The following PLEK variants were observed in gnomAD, a reference collection of about 807,000 sequenced individuals.
PLEK encodes platelet 47 kDa protein.
In PLEK, 25 loss-of-function variants were observed where a neutral mutation model predicts 43.9. That is an observed-to-expected ratio of 0.57 (90% CI 0.41 to 0.79). The LOEUF is 0.79. PLEK is among the 30% of genes least tolerant of loss of function. The probability of loss-of-function intolerance (pLI) is 0.00; values close to 1 mark genes in which losing one functional copy is unlikely to be tolerated. For missense variants in PLEK, 396 were observed against 413.3 expected, an observed-to-expected ratio of 0.96 and a Z score of 0.36; for synonymous variants, 152 against 144.4, an observed-to-expected ratio of 1.05 and a Z score of -0.38.
In PLEK at chr2:68,393,263, A is replaced by G; in HGVS notation, c.846+18A>G. The G allele has an allele frequency of 6.7e-7, 1 of 1,497,908 alleles. No individual in the cohort carries two copies. The highest frequency in any genetic ancestry group is 9.3e-7 in the Non-Finnish European group (1 of 1,074,720). The allele number at this position is 1,497,908 out of a possible 1,614,324, so 92.8% of individuals were successfully genotyped here. ...CTGCTGGGGTAAGGTCCTGTGGTTCATAAATCCATTCAAATAAATAAATCC... is the reference window on the plus strand; with the variant it reads ...CTGCTGGGGTAAGGTCCTGTGGTTCGTAAATCCATTCAAATAAATAAATCC... On this transcript the variant is annotated intron_variant, in intron 7 of 8. Coordinates refer to ENST00000234313, the MANE Select transcript of PLEK (RefSeq NM_002664.3).
At chr2:68,391,541 G>T (rs1349241702) in intron 6 of PLEK, among the ~76,000 whole-genome samples, 1 of 152,204 alleles carries the variant, frequency 6.6e-6, no homozygotes, top group African/African-American at 2.4e-5. Flanking sequence ...ACTCTGCAGG[G>T]GTTCCAGCTC....
intron 1 of PLEK, among the ~76,000 whole-genome samples, chr2:68,377,078 C>T (rs976384881): frequency 6.6e-6 from 1 of 152,140 alleles, no homozygotes; most frequent in African/African-American, 2.4e-5. Flanking sequence ...TCGGGTCCAT[C>T]CATGTTGTTG....
intron 1 of PLEK, among the ~76,000 whole-genome samples, chr2:68,374,707 T>A (rs1558496756): frequency 6.6e-6 from 1 of 152,184 alleles, no homozygotes; most frequent in Non-Finnish European, 1.5e-5. Context: ...ATTGTAATAT[T>A]TTCTCATAAG....
At chr2:68,372,124 T>C (rs902071174) in intron 1 of PLEK, among the ~76,000 whole-genome samples, 1 of 152,218 alleles carries the variant, frequency 6.6e-6, no homozygotes, top group Non-Finnish European at 1.5e-5. Context: ...CAAATATCTA[T>C]GCATTTTCAT....
At chr2:68,385,929 C>G (rs866241899) in intron 4 of PLEK, among the ~76,000 whole-genome samples, 5 of 152,140 alleles carry the variant, frequency 3.3e-5, no homozygotes, top group Non-Finnish European at 7.4e-5. Context: ...TTCTCCAACA[C>G]CCAGTAGAGT....
chr2:68,375,078 A>G (rs1227544134), intron 1 of PLEK, among the ~76,000 whole-genome samples: 1 of 152,170 alleles, frequency 6.6e-6, no homozygotes, highest in Non-Finnish European at 1.5e-5. Flanking sequence ...TGCAAAGGAC[A>G]TATATGTGTT....
intron 4 of PLEK, among the ~76,000 whole-genome samples, chr2:68,384,187 CTCCTT>C (rs1673693192): frequency 6.6e-6 from 1 of 150,538 alleles, no homozygotes; most frequent in Admixed American, 6.6e-5. Context: ...CCTTCTCCTT[CTCCTT>C]CTCCTTCTCC....
chr2:68,393,780 A>G (rs1019566182), intron 7 of PLEK, among the ~76,000 whole-genome samples: 2 of 152,168 alleles, frequency 1.3e-5, no homozygotes, highest in Non-Finnish European at 2.9e-5. Flanking sequence ...GGTGCATGGG[A>G]CCAAAGAGCT....
chr2:68,392,549 A>C (rs1255514429), intron 6 of PLEK, among the ~76,000 whole-genome samples: 1 of 152,116 alleles, frequency 6.6e-6, no homozygotes, highest in Non-Finnish European at 1.5e-5. Context: ...TGAACCCTAC[A>C]TTCTAGCCAG....
chr2:68,390,601 G>A (rs1024606942), intron 6 of PLEK, among the ~76,000 whole-genome samples: 4 of 152,124 alleles, frequency 2.6e-5, no homozygotes, highest in African/African-American at 9.7e-5. Context: ...TCTTAGCTCA[G>A]TGGTTAGTAA....
chr2:68,381,025 C>T, intron 3 of PLEK, 121 bp downstream of exon 3: 1 of 823,652 alleles, frequency 1.2e-6, no homozygotes, highest in South Asian at 1.7e-5. Context: ...CAGGTCAATA[C>T]TGGCACTTGG....
chr2:68,371,673 G>C (rs752422986), intron 1 of PLEK, among the ~76,000 whole-genome samples: 3 of 152,182 alleles, frequency 2.0e-5, no homozygotes, highest in Non-Finnish European at 4.4e-5. Flanking sequence ...GTTGGGATTT[G>C]AGCCTGAGCC....
At chr2:68,368,401 C>T (rs1049467756) in intron 1 of PLEK, among the ~76,000 whole-genome samples, 5 of 152,210 alleles carry the variant, frequency 3.3e-5, no homozygotes, top group Admixed American at 1.3e-4. Flanking sequence ...ATAAGTGATT[C>T]GTCCACAGTG....
intron 3 of PLEK, among the ~76,000 whole-genome samples, chr2:68,381,769 A>G (rs1673622542): frequency 6.6e-6 from 1 of 152,186 alleles, no homozygotes; most frequent in African/African-American, 2.4e-5. Context: ...AACTGAGCTG[A>G]GTGAGACTCA....
At chr2:68,366,446 A>G (rs571731958) in intron 1 of PLEK, among the ~76,000 whole-genome samples, 1 of 152,350 alleles carries the variant, frequency 6.6e-6, no homozygotes, top group African/African-American at 2.4e-5. Flanking sequence ...CAGACCCAGA[A>G]GGCTCGGTGA....
intron 8 of PLEK, among the ~76,000 whole-genome samples, chr2:68,394,895 T>C (rs567629083): frequency 6.6e-6 from 1 of 152,214 alleles, no homozygotes; most frequent in Non-Finnish European, 1.5e-5. Flanking sequence ...GTTTGTAGTA[T>C]GATAAAGGCT....
intron 1 of PLEK, among the ~76,000 whole-genome samples, chr2:68,372,274 A>G (rs1338701348): frequency 6.6e-6 from 1 of 151,896 alleles, no homozygotes; most frequent in Non-Finnish European, 1.5e-5. Flanking sequence ...CTTGGGTTCA[A>G]GTGATTCTCC....
At chr2:68,386,719 A>C in intron 5 of PLEK, 33 bp downstream of exon 5, 1 of 1,540,472 alleles carries the variant, frequency 6.5e-7, no homozygotes, top group East Asian at 2.2e-5. Flanking sequence ...TCTTCCTGTA[A>C]GGGAGGCTGC....
At chr2:68,374,266 T>C (rs1673462126) in intron 1 of PLEK, among the ~76,000 whole-genome samples, 1 of 152,208 alleles carries the variant, frequency 6.6e-6, no homozygotes, top group Non-Finnish European at 1.5e-5. Context: ...ACTAATAAAA[T>C]GACCTTATCT....
Sources: gnomAD v4.1 joint callset for allele counts (sites outside exome capture counted in the v4.1 genomes callset) on GRCh38, gnomAD v4.1.1 for gene constraint, MANE v1.5 for transcripts, NCBI Gene and HGNC (gene_info 2026-07-23, HGNC 2026-07-21) for gene names.